Variants in RCN1 observed in about 807,000 individuals in gnomAD.
The protein encoded by RCN1 is reticulocalbin 1.
Under a neutral mutation model 34.7 loss-of-function variants are expected in RCN1, and 14 were observed. The observed-to-expected ratio is 0.40, with a 90% CI of 0.27 to 0.63. RCN1 has a LOEUF of 0.63. Ranked by LOEUF, RCN1 falls within the 30% of genes least tolerant of loss-of-function variation. The pLI, the probability that RCN1 is intolerant of heterozygous loss-of-function variation, is 0.37. For synonymous variants in RCN1, 125 were observed against 165.5 expected (o/e 0.76, Z 1.88); for missense variants, 326 against 425.1 (o/e 0.77, Z 2.05).
chr11:32,097,119 CTT>C (rs374577571), intron 1 of RCN1, 23 bp from the exon 2 acceptor site: 33,638 of 1,222,200 alleles, frequency 0.028, no homozygotes, highest in South Asian at 0.049. Context: ...GTGTGGGTTT[CTT>C]TTTTTTTTTT....
At chr11:32,102,519 C>T (rs771023242) in intron 4 of RCN1, 23 of 153,118 alleles carry the variant, frequency 1.5e-4, no homozygotes, top group Non-Finnish European at 2.9e-4. Context: ...GACACACACA[C>T]AATGCAAAAA....
intron 4 of RCN1, chr11:32,102,785 T>C (rs1852060482): frequency 3.0e-6 from 1 of 330,252 alleles, no homozygotes; most frequent in Non-Finnish European, 5.8e-6. Flanking sequence ...ATGGGAATTA[T>C]AACAGCACTC....
chr11:32,100,039 A>C (rs1162330184), intron 3 of RCN1, among the ~76,000 whole-genome samples: 1 of 152,252 alleles, frequency 6.6e-6, no homozygotes, highest in African/African-American at 2.4e-5. Context: ...AATACTGAAT[A>C]AGAGGTCAAG....
At position 32,099,201 on chromosome 11, in the gene RCN1, A is replaced by T. The variant is rs563536423; in HGVS notation, c.627+673A>T. 3.9e-5 allele frequency among the ~76,000 whole-genome samples: 6 copies of T among 152,204 alleles called. No individual in the cohort carries two copies. The South Asian group carries it at 1.2e-3, about 32-fold the overall frequency. On this transcript the variant is annotated intron_variant, in intron 3 of 5. Coordinates refer to ENST00000054950, the MANE Select transcript of RCN1 (RefSeq NM_002901.4). ...CCAGGCATGGTGGCATGTGCCTGTA[A>T]TCCCAGCTACTTGGGAGGCTGAGGC...
At chr11:32,098,265 G>T in intron 2 of RCN1, 85 bp from the exon 3 acceptor site, 1 of 1,230,652 alleles carries the variant, frequency 8.1e-7, no homozygotes, top group South Asian at 1.5e-5. Context: ...TGTACCATTT[G>T]AGCATGCAGG....
intron 2 of RCN1, among the ~76,000 whole-genome samples, 192 bp from the exon 3 acceptor site, chr11:32,098,158 C>G (rs1460222917): frequency 6.6e-6 from 1 of 152,088 alleles, no homozygotes; most frequent in African/African-American, 2.4e-5. Flanking sequence ...TGCCATGAGG[C>G]CTAGATTATG....
intron 1 of RCN1, among the ~76,000 whole-genome samples, chr11:32,095,191 G>C (rs1034534608): frequency 4.6e-5 from 7 of 151,846 alleles, no homozygotes; most frequent in Non-Finnish European, 7.4e-5. Flanking sequence ...GCTGTGTCTG[G>C]CTATGATTTC....
rs1280946785 is a variant in RCN1, at chr11:32,103,446, C to T, written c.854C>T (p.Ala285Val). 6.2e-7 allele frequency: 1 copy of T among 1,613,832 alleles called. No homozygotes were observed. The highest frequency in any genetic ancestry group is 8.5e-7 in the Non-Finnish European group (1 of 1,179,704). The stretch of plus-strand genomic sequence containing the variant: ...GATTATGATCATGCACAGGCTGAGG[C>T]CAGGCATCTGGTATATGAATCAGAC... ...PQDYDHAQAE[A>V]RHLVYESDKN... is the part of the protein sequence containing the mutation. Residue 285 changes from alanine to valine, a missense_variant, in exon 5 of 6, where the codon GCC becomes GTC. Physicochemically the swap from Ala to Val is moderately conservative, Grantham distance 64. Coordinates refer to ENST00000054950, the MANE Select transcript of RCN1 (RefSeq NM_002901.4).
chr11:32,093,232 C>A (rs945874471), intron 1 of RCN1, among the ~76,000 whole-genome samples: 1 of 152,212 alleles, frequency 6.6e-6, no homozygotes, highest in South Asian at 2.1e-4. Flanking sequence ...TGAAGTTGGT[C>A]TGGATTTGAT....
intron 1 of RCN1, among the ~76,000 whole-genome samples, chr11:32,093,765 G>A (rs1307767899): frequency 6.6e-6 from 1 of 152,190 alleles, no homozygotes; most frequent in Non-Finnish European, 1.5e-5. Context: ...TTGTCAAAAT[G>A]TCATAATCCC....
intron 5 of RCN1, 37 bp from the exon 6 acceptor site, chr11:32,104,328 G>A: frequency 1.6e-6 from 2 of 1,229,626 alleles, no homozygotes; most frequent in Non-Finnish European, 2.4e-6. Context: ...ACAGTTACCA[G>A]AGCTTCCATG....
Position 32,098,309 on chromosome 11 carries a change from C to T in RCN1, c.449-41C>T, listed in dbSNP as rs369260789. On this transcript the variant is annotated intron_variant, in intron 2 of 5. Coordinates refer to ENST00000054950, the MANE Select transcript of RCN1 (RefSeq NM_002901.4). ...TCTGGCAGGAAACGCCTTTCTTGAC[C>T]GCACGGTTTAAAAACATTTCTGCAT... 38 of 1,559,064 alleles carry T rather than the reference C, an allele frequency of 2.4e-5. No individual in the cohort carries two copies. In the East Asian group the frequency reaches 2.5e-4, roughly 10 times the overall value.
At chr11:32,097,632 A>G (rs1851988676) in intron 2 of RCN1, among the ~76,000 whole-genome samples, 1 of 152,218 alleles carries the variant, frequency 6.6e-6, no homozygotes, top group Non-Finnish European at 1.5e-5. Context: ...GCAGAAAGGA[A>G]GTGTGTCTGT....
chr11:32,104,594 T>G lies in RCN1; in HGVS notation c.*122T>G, dbSNP rs1273659849. 3 of 602,628 alleles carry G rather than the reference T, an allele frequency of 5.0e-6. No homozygotes were observed. In the African/African-American group the frequency reaches 5.5e-5, roughly 11 times the overall value. 37.3% of individuals were successfully genotyped at this position (602,628 alleles called of 1,614,324 possible). A position where few individuals can be genotyped will look rare whatever the true frequency, so the allele number is the denominator to read the frequency against. ...CAAAAAGCAAGTTTATACCTCAGAT[T>G]GGGGTATAAAAATTGTTTTTCGCTC... is the stretch of plus-strand genomic sequence containing the variant. On this transcript the variant is annotated 3_prime_UTR_variant, in exon 6 of 6. Transcript: ENST00000054950.
intron 4 of RCN1, chr11:32,103,067 T>C (rs753990224): frequency 3.1e-6 from 2 of 654,338 alleles, no homozygotes; most frequent in Non-Finnish European, 5.7e-6. Context: ...TTTTGGCTTC[T>C]AAACTCAGTT....
chr11:32,099,125 C>T (rs1172301956), intron 3 of RCN1, among the ~76,000 whole-genome samples: 1 of 152,100 alleles, frequency 6.6e-6, no homozygotes, highest in East Asian at 1.9e-4. Context: ...TGAAACCAGC[C>T]TGGCCAATAT....
chr11:32,100,522 A>G, intron 3 of RCN1, 26 bp from the exon 4 acceptor site: 3 of 1,602,090 alleles, frequency 1.9e-6, no homozygotes, highest in Non-Finnish European at 2.6e-6. Flanking sequence ...GCCATCTTGC[A>G]TTCTGTTTTA....
intron 1 of RCN1, among the ~76,000 whole-genome samples, chr11:32,095,101 T>C (rs1851957959): frequency 6.6e-6 from 1 of 152,204 alleles, no homozygotes; most frequent in Non-Finnish European, 1.5e-5. Context: ...CCCACTGGCA[T>C]GTCTCCACTG....
Position 32,091,382 on chromosome 11 carries a change from C to G in RCN1, c.186C>G (p.Ala62=). ...AGAGCTTCCAGTACGACCACGAGGC[C>G]TTCCTGGGCAAGGAGGACTCCAAGA... ...DNQSFQYDHE[A]FLGKEDSKTF... Residue 62 remains alanine, a synonymous_variant, in exon 1 of 6, where the codon GCC becomes GCG. Transcript: ENST00000054950. 1 of 1,549,588 alleles carries G rather than the reference C, an allele frequency of 6.5e-7. No individual in the cohort carries two copies. Among genetic ancestry groups the G allele is most frequent in the South Asian group, 1.2e-5 (1 of 83,810 alleles).
Sources: gnomAD v4.1 joint callset for allele counts (sites outside exome capture counted in the v4.1 genomes callset) on GRCh38, gnomAD v4.1.1 for gene constraint, MANE v1.5 for transcripts, NCBI Gene and HGNC (gene_info 2026-07-23, HGNC 2026-07-21) for gene names.